The following EFR3A variants were observed in gnomAD, a reference collection of about 807,000 sequenced individuals.
EFR3A encodes the protein protein EFR3 homolog A.
In EFR3A, 76 loss-of-function variants were observed where a neutral mutation model predicts 104.4. That is an observed-to-expected ratio of 0.73 (90% confidence interval 0.60 to 0.88). The LOEUF (loss-of-function observed/expected upper bound fraction) is 0.88. Among genes scored for constraint, EFR3A ranks in the 40% least tolerant of loss-of-function variants. The pLI is 0.00. For synonymous variants in EFR3A, 330 were observed against 330.0 expected (o/e 1.00, Z 0.00); for missense variants, 985 against 1,012.5 (o/e 0.97, Z 0.37).
chr8:131,968,759 A>G (rs1819898648), intron 9 of EFR3A, among the ~76,000 whole-genome samples: 1 of 152,182 alleles, frequency 6.6e-6, no homozygotes, highest in South Asian at 2.1e-4. Context: ...ATACTGTAAT[A>G]TGTGGCAAGC....
chr8:131,985,090 G>A (rs1820808908), intron 16 of EFR3A, 30 bp downstream of exon 16: 2 of 1,574,934 alleles, frequency 1.3e-6, no homozygotes, highest in Admixed American at 3.5e-5. Flanking sequence ...CCTTAAACTT[G>A]AATTTTGTAC....
chr8:131,930,545 TTTTCC>T (rs1817543864), intron 1 of EFR3A, among the ~76,000 whole-genome samples: 1 of 151,704 alleles, frequency 6.6e-6, no homozygotes, highest in Non-Finnish European at 1.5e-5. Flanking sequence ...ATAATTTCAC[TTTTCC>T]TTTACTATAC....
At chr8:131,925,404 C>T (rs2130467279) in intron 1 of EFR3A, among the ~76,000 whole-genome samples, 1 of 152,166 alleles carries the variant, frequency 6.6e-6, no homozygotes, top group South Asian at 2.1e-4. Flanking sequence ...AAACGTCCTT[C>T]AATTATCAGT....
chr8:131,937,924 G>A (rs1817987352), intron 1 of EFR3A, among the ~76,000 whole-genome samples: 1 of 151,682 alleles, frequency 6.6e-6, no homozygotes, highest in Non-Finnish European at 1.5e-5. Flanking sequence ...AAGGAAAGGG[G>A]GTGTAAGTAG....
chr8:131,956,555 A>T (rs979196595), intron 7 of EFR3A, among the ~76,000 whole-genome samples: 1 of 152,122 alleles, frequency 6.6e-6, no homozygotes, highest in African/African-American at 2.4e-5. Flanking sequence ...CATTTTTGCT[A>T]GTCTTTCTTT....
At position 131,946,552 on chromosome 8, in the gene EFR3A, A is replaced by G. The variant is rs774123398; in HGVS notation, c.285A>G (p.Pro95=). The G allele has an allele frequency of 1.9e-6, 3 of 1,608,654 alleles. No homozygotes were observed. The highest frequency in any genetic ancestry group is 1.1e-5 in the South Asian group (1 of 90,086). ...CTTGCCATTCTCAAAGCATTAAGCC[A>G]TTTGTAGAAAGCTTTCTTCATATGG... ...LMACHSQSIK[P]FVESFLHMVA... is the part of the protein sequence containing the mutation. The change falls in exon 4 of 23, where the codon CCA becomes CCG. Residue 95 remains proline (P), a synonymous_variant. Transcript: ENST00000254624.
Position 131,976,145 on chromosome 8 carries a change from T to G in EFR3A, c.1274+4T>G, listed in dbSNP as rs1457714941. 1.3e-5 allele frequency: 19 copies of G among 1,512,800 alleles called. No individual in the cohort carries two copies. The highest frequency in any genetic ancestry group is 1.7e-5 in the Non-Finnish European group (19 of 1,098,178). The allele number at this position is 1,512,800 out of a possible 1,614,324, so 93.7% of individuals were successfully genotyped here. ...CTTTGGATATCAGTCAACTAGGGTA[T>G]GTTCTCAGACTGTAAATTTGAACTT... On this transcript the variant is annotated splice_donor_region_variant and intron_variant, in intron 11 of 22. Transcript: ENST00000254624.
rs149271212 is a variant in EFR3A, at chr8:131,950,894, G to T, written c.488+804G>T. Among the ~76,000 whole-genome samples the T allele has an allele frequency of 9.9e-5, 15 of 152,104 alleles. No individual in the cohort carries two copies. The East Asian group carries it at 2.7e-3, about 27-fold the overall frequency. ...AAATATTTTATAAACTCAACTATAG[G>T]TTGATAGAATGAGACATACAGAAAT... On this transcript the variant is annotated intron_variant, in intron 5 of 22. Coordinates refer to ENST00000254624, the MANE Select transcript of EFR3A (RefSeq NM_015137.6).
Position 131,996,458 on chromosome 8 carries a change from G to T in EFR3A, c.2118G>T (p.Gln706His). 7 of 1,601,388 alleles carry T rather than the reference G, an allele frequency of 4.4e-6. No homozygotes were observed. Among genetic ancestry groups the T allele is most frequent in the Non-Finnish European group, 5.1e-6 (6 of 1,175,192 alleles). The change falls in exon 19 of 23, where the codon CAG (glutamine) becomes CAT (histidine). Residue 706 changes from glutamine (Q) to histidine (H), a missense_variant. Gln to His is a conservative substitution (Grantham distance 24, BLOSUM62 0). Transcript: ENST00000254624. ...RKSIVDTVSI[Q>H]VDILSNNVPS... The stretch of plus-strand genomic sequence containing the variant: ...GCATTGTGGACACCGTATCCATTCA[G>T]GTGGATATTTTATCCAACAATGTTC...
chr8:132,001,808 G>A lies in EFR3A; in HGVS notation c.2206+1G>A. ...TTTGAAGCATTGAAGAAAGCAATTG[G>A]TGAGATATTTTGCACTTGTTAGTAC... is the stretch of plus-strand genomic sequence containing the variant. On this transcript the variant is annotated splice_donor_variant, in intron 20 of 22. Coordinates refer to ENST00000254624, the MANE Select transcript of EFR3A (RefSeq NM_015137.6). LOFTEE classifies it high-confidence loss of function. 1 of 1,612,892 alleles carries A rather than the reference G, an allele frequency of 6.2e-7. No homozygotes were observed. The highest frequency in any genetic ancestry group is 8.5e-7 in the Non-Finnish European group (1 of 1,179,096).
intron 4 of EFR3A, 106 bp downstream of exon 4, chr8:131,946,739 G>A: frequency 1.9e-6 from 2 of 1,069,816 alleles, no homozygotes; most frequent in Admixed American, 3.7e-5. Context: ...CCTGAATAGG[G>A]CATTTGAACA....
chr8:131,921,785 A>G (rs1021378879), intron 1 of EFR3A, among the ~76,000 whole-genome samples: 3 of 146,822 alleles, frequency 2.0e-5, no homozygotes, highest in Non-Finnish European at 4.6e-5. Context: ...TGACTGAAAT[A>G]TCAAGGGAGG....
At chr8:131,990,454 C>A (rs1401725162) in intron 18 of EFR3A, among the ~76,000 whole-genome samples, 2 of 152,102 alleles carry the variant, frequency 1.3e-5, no homozygotes, top group African/African-American at 4.8e-5. Flanking sequence ...GGTAGTAACA[C>A]ATGTGTGAAG....
At chr8:131,986,615 C>A (rs185989911) in intron 17 of EFR3A, among the ~76,000 whole-genome samples, 113 of 152,016 alleles carry the variant, frequency 7.4e-4, no homozygotes, top group African/African-American at 2.5e-3. Flanking sequence ...GAAACCCCGT[C>A]TCTACTAAAA....
chr8:131,969,176 A>G (rs764834200), intron 9 of EFR3A, among the ~76,000 whole-genome samples: 3 of 152,172 alleles, frequency 2.0e-5, no homozygotes, highest in African/African-American at 7.2e-5. Context: ...AAAAATTACG[A>G]TATTTTACTT....
chr8:131,968,352 A>G lies in EFR3A; in HGVS notation c.913A>G (p.Lys305Glu), dbSNP rs749391297. 5.6e-6 allele frequency: 9 copies of G among 1,613,576 alleles called. No homozygotes were observed. Among genetic ancestry groups the G allele is most frequent in the Non-Finnish European group, 6.8e-6 (8 of 1,179,638 alleles). The change falls in exon 9 of 23, where the codon AAA becomes GAA. Residue 305 changes from lysine to glutamate, a missense_variant. By Grantham distance (56) the Lys-to-Glu change is moderately conservative. Coordinates refer to ENST00000254624, the MANE Select transcript of EFR3A (RefSeq NM_015137.6). The stretch of plus-strand genomic sequence containing the variant: ...TCTAGGACACCTTGATGCTCGTAAA[A>G]AAGATGCTCCCCGGGTTCGAGCAGG... ...EILGHLDARK[K>E]DAPRVRAGII...
At chr8:131,979,312 T>A in intron 13 of EFR3A, 34 bp from the exon 14 acceptor site, 2 of 1,394,340 alleles carry the variant, frequency 1.4e-6, no homozygotes, top group Non-Finnish European at 2.0e-6. Flanking sequence ...ATAAGTGTGC[T>A]ATTCATTAAA....
At chr8:131,914,095 T>G (rs1472218626) in intron 1 of EFR3A, among the ~76,000 whole-genome samples, 1 of 152,210 alleles carries the variant, frequency 6.6e-6, no homozygotes, top group East Asian at 1.9e-4. Context: ...TCTTGCATTA[T>G]CATCCCACCA....
intron 22 of EFR3A, among the ~76,000 whole-genome samples, chr8:132,010,292 ACAAT>A (rs1166272207): frequency 3.3e-5 from 5 of 151,230 alleles, no homozygotes; most frequent in East Asian, 1.9e-4. Context: ...AACCAAGGTG[ACAAT>A]CAGTCGGAAT....
Sources: gnomAD v4.1 joint callset for allele counts (sites outside exome capture counted in the v4.1 genomes callset) on GRCh38, gnomAD v4.1.1 for gene constraint, MANE v1.5 for transcripts, NCBI Gene and HGNC (gene_info 2026-07-23, HGNC 2026-07-21) for gene names.